LMO3: variants seen among roughly 807,000 people sequenced by gnomAD.
LMO3 encodes LIM domain only 3.
Under a neutral mutation model 15.8 loss-of-function variants are expected in LMO3, and 2 were observed. That is an observed-to-expected ratio of 0.13 (90% CI 0.05 to 0.40). LMO3 has a LOEUF of 0.40. Ranked by LOEUF, LMO3 falls within the 10% of genes least tolerant of loss-of-function variation. The pLI is 0.99. For missense variants in LMO3, 86 were observed against 182.2 expected (o/e 0.47, Z 3.04); for synonymous variants, 62 against 63.8 (o/e 0.97, Z 0.13).
At chr12:16,554,314 C>T (rs1278453304) in intron 3 of LMO3, among the ~76,000 whole-genome samples, 1 of 152,190 alleles carries the variant, frequency 6.6e-6, no homozygotes, top group African/African-American at 2.4e-5. Flanking sequence ...TCTTCTTTCC[C>T]TAATGTTAGT....
rs1941976947 is a variant in LMO3, at chr12:16,551,185, T to C, written c.*37A>G. On this transcript the variant is annotated 3_prime_UTR_variant, in exon 4 of 4. Coordinates refer to ENST00000537304, the MANE Select transcript of LMO3 (RefSeq NM_018640.5). ...GTGGAGCAAAAAAGATAAAAGAATG[T>C]AGTGCTTTGTATTCTTAATGGGGTG... is the stretch of plus-strand genomic sequence containing the variant. The C allele has an allele frequency of 1.0e-5, 13 of 1,247,566 alleles. No individual in the cohort carries two copies. The highest frequency in any genetic ancestry group is 1.5e-5 in the African/African-American group (1 of 67,656). 77.3% of individuals were successfully genotyped at this position (1,247,566 alleles called of 1,614,324 possible). A position where few individuals can be genotyped will look rare whatever the true frequency, so the allele number is the denominator to read the frequency against.
At position 16,596,419 on chromosome 12, in the gene LMO3, C is replaced by A. The variant is rs960120839; in HGVS notation, c.206+4236G>T. ...GCAGCTTCCATGGCACATACCACAGCAAACAGCTTTGAATAAACTCTGGCA... is the reference window on the plus strand; with the variant it reads ...GCAGCTTCCATGGCACATACCACAGAAAACAGCTTTGAATAAACTCTGGCA... On this transcript the variant is annotated intron_variant, in intron 2 of 3. Transcript: ENST00000537304. This position sits in a 1 kb window ranked among gnomAD's most constrained non-coding sequence, Gnocchi z 4.3. 6.6e-6 allele frequency among the ~76,000 whole-genome samples: 1 copy of A among 151,476 alleles called. No individual in the cohort carries two copies. The highest frequency in any genetic ancestry group is 1.5e-5 in the Non-Finnish European group (1 of 67,596).
upstream of LMO3, chr12:16,606,874 G>A (rs1565519925): frequency 6.6e-6 from 1 of 152,162 alleles, no homozygotes; most frequent in Non-Finnish European, 1.5e-5. Flanking sequence ...GAAAAGGGTA[G>A]GGTTCCTAAA....
chr12:16,552,179 G>GT (rs1942012660), intron 3 of LMO3, among the ~76,000 whole-genome samples: 1 of 151,976 alleles, frequency 6.6e-6, no homozygotes, highest in Non-Finnish European at 1.5e-5. Context: ...AGAAATAAAT[G>GT]TTTTTTCTGT....
In LMO3 at chr12:16,593,514, G is replaced by A. The variant is rs192095702; in HGVS notation, c.206+7141C>T. On this transcript the variant is annotated intron_variant, in intron 2 of 3. Coordinates refer to ENST00000537304, the MANE Select transcript of LMO3 (RefSeq NM_018640.5). This position sits in a 1 kb window ranked among gnomAD's most constrained non-coding sequence, Gnocchi z 4.2. ...CTAACATGATAGCGCAAAGGAATTCGGCGAAAAGAGAATCATTACATAACT... is the reference window on the plus strand; with the variant it reads ...CTAACATGATAGCGCAAAGGAATTCAGCGAAAAGAGAATCATTACATAACT... Among the ~76,000 whole-genome samples, 182 of 151,782 alleles carry A rather than the reference G, an allele frequency of 1.2e-3. 3 individuals carry two copies. Among genetic ancestry groups the A allele is most frequent in the Admixed American group, 0.012 (179 of 15,188 alleles).
chr12:16,603,046 C>G lies in LMO3; in HGVS notation c.-8-2178G>C, dbSNP rs1299807689. 6.6e-6 allele frequency among the ~76,000 whole-genome samples: 1 copy of G among 151,546 alleles called. No homozygotes were observed. The highest frequency in any genetic ancestry group is 1.9e-4 in the East Asian group (1 of 5,168). On this transcript the variant is annotated intron_variant, in intron 1 of 3. Coordinates refer to ENST00000537304, the MANE Select transcript of LMO3 (RefSeq NM_018640.5). This position sits in a 1 kb window ranked among gnomAD's most constrained non-coding sequence, Gnocchi z 4.9. Reference sequence around the variant, plus strand: ...AGTTATATTTCCCACAGTTGTGTTTCTACCATCAAGCATAGAAGGTCAGCT... The same window carrying G: ...AGTTATATTTCCCACAGTTGTGTTTGTACCATCAAGCATAGAAGGTCAGCT...
chr12:16,552,083 G>A (rs574311143), intron 3 of LMO3, among the ~76,000 whole-genome samples: 5 of 152,018 alleles, frequency 3.3e-5, no homozygotes, highest in Non-Finnish European at 7.4e-5. Flanking sequence ...ATAAAGCATT[G>A]TTTAATGTGC....
chr12:16,602,990 T>C (rs1358489505), intron 1 of LMO3, among the ~76,000 whole-genome samples: 1 of 127,292 alleles, frequency 7.9e-6, no homozygotes, highest in African/African-American at 2.5e-5. Flanking sequence ...AGATGAAAAA[T>C]CGAAAAAAAA....
In LMO3 at chr12:16,591,262, C is replaced by T. The variant is rs898963167; in HGVS notation, c.206+9393G>A. Reference sequence around the variant, plus strand: ...ATGAGAAAAACTCCCACCTCAGGGCCTTTGTACTGGATGTTCCTGAGCCCA... The same window carrying T: ...ATGAGAAAAACTCCCACCTCAGGGCTTTTGTACTGGATGTTCCTGAGCCCA... On this transcript the variant is annotated intron_variant, in intron 2 of 3. Coordinates refer to ENST00000537304, the MANE Select transcript of LMO3 (RefSeq NM_018640.5). This position sits in a 1 kb window ranked among gnomAD's most constrained non-coding sequence, Gnocchi z 4.1. Among the ~76,000 whole-genome samples, 3 of 151,934 alleles carry T rather than the reference C, an allele frequency of 2.0e-5. No homozygotes were observed. Among genetic ancestry groups the T allele is most frequent in the African/African-American group, 7.2e-5 (3 of 41,392 alleles).
intron 2 of LMO3, among the ~76,000 whole-genome samples, chr12:16,592,359 A>G (rs1023696697): frequency 6.6e-6 from 1 of 152,038 alleles, no homozygotes; most frequent in Non-Finnish European, 1.5e-5. Context: ...TGGTCACAGA[A>G]AATACTGGCT....
At chr12:16,607,174 C>T (rs990362538), upstream of LMO3, 4 of 152,244 alleles carry the variant, frequency 2.6e-5, no homozygotes, top group African/African-American at 9.7e-5. Context: ...TTCCTCCCTT[C>T]CTCCCTTCCT....
chr12:16,563,452 A>C (rs147621310), intron 2 of LMO3, among the ~76,000 whole-genome samples: 2 of 152,288 alleles, frequency 1.3e-5, no homozygotes, highest in East Asian at 3.9e-4. Flanking sequence ...ATTTTCATAT[A>C]TGTCAATTAA....
chr12:16,607,948 G>A (rs2137759549), upstream of LMO3: 1 of 152,138 alleles, frequency 6.6e-6, no homozygotes, highest in Middle Eastern at 3.4e-3. Context: ...GAAAAATAAC[G>A]ATATTCACAG....
In LMO3 at chr12:16,604,963, G is replaced by T. The variant is rs1030092428; in HGVS notation, c.-9+1103C>A. On this transcript the variant is annotated intron_variant, in intron 1 of 3. Coordinates refer to ENST00000537304, the MANE Select transcript of LMO3 (RefSeq NM_018640.5). The surrounding 1 kb of genome is among the most constrained non-coding windows in gnomAD (Gnocchi z 5.3). ...AAACCCAAAGGTAGAAGTAGAAGGG[G>T]GTCTCCTTGATTTCGCTTAAGTGTG... The T allele has an allele frequency of 1.4e-5, 23 of 1,597,854 alleles. No individual in the cohort carries two copies. The highest frequency in any genetic ancestry group is 1.6e-5 in the Non-Finnish European group (19 of 1,179,564).
intron 2 of LMO3, among the ~76,000 whole-genome samples, chr12:16,564,118 A>AT (rs1187877549): frequency 4.6e-5 from 7 of 152,010 alleles, no homozygotes; most frequent in East Asian, 1.9e-4. Context: ...TTTCTATTCC[A>AT]TTTTTTTGCT....
Position 16,586,396 on chromosome 12 carries a change from C to T in LMO3, c.206+14259G>A, listed in dbSNP as rs755702947. Among the ~76,000 whole-genome samples the T allele has an allele frequency of 7.9e-5, 12 of 152,138 alleles. No individual in the cohort carries two copies. The highest frequency in any genetic ancestry group is 1.5e-4 in the Non-Finnish European group (10 of 68,014). ...GCTGTGGCAAGGAGAGCGGAGGATC[C>T]TAATCTTCCCCAGCAAGGCTTTCTG... On this transcript the variant is annotated intron_variant, in intron 2 of 3. Transcript: ENST00000537304. This position sits in a 1 kb window ranked among gnomAD's most constrained non-coding sequence, Gnocchi z 4.3.
At position 16,551,114 on chromosome 12, in the gene LMO3, A is replaced by G. The variant is rs1941973150; in HGVS notation, c.*108T>C. ...TTCCATATAACCATCCTGCCTTCCT[A>G]TATCTACGCTATTCAGTAGGTTCCT... On this transcript the variant is annotated 3_prime_UTR_variant, in exon 4 of 4. Transcript: ENST00000537304. 4 of 717,268 alleles carry G rather than the reference A, an allele frequency of 5.6e-6. No homozygotes were observed. The highest frequency in any genetic ancestry group is 7.4e-6 in the Non-Finnish European group (3 of 405,982). The allele number at this position is 717,268 out of a possible 1,614,324, so 44.4% of individuals were successfully genotyped here.
chr12:16,594,335 C>G, intron 2 of LMO3: 1 of 1,358,670 alleles, frequency 7.4e-7, no homozygotes, highest in Non-Finnish European at 9.6e-7. Flanking sequence ...GCCAATTAAA[C>G]TAAAAAATAA....
chr12:16,552,008 G>T (rs146900690), intron 3 of LMO3, among the ~76,000 whole-genome samples: 75 of 152,054 alleles, frequency 4.9e-4, no homozygotes, highest in Non-Finnish European at 9.6e-4. Context: ...TAACCTAAAT[G>T]AACTACTTAA....
Sources: allele counts gnomAD v4.1 joint callset (sites outside exome capture counted in the v4.1 genomes callset), GRCh38; gene constraint gnomAD v4.1.1; non-coding constraint Gnocchi (gnomAD v3.1); transcripts MANE v1.5; gene names NCBI Gene and HGNC (gene_info 2026-07-23, HGNC 2026-07-21).